The following ANKS1A variants were observed in gnomAD, a reference collection of about 807,000 sequenced individuals.
ANKS1A encodes the protein ankyrin repeat and sterile alpha motif domain containing 1A.
A neutral mutation model predicts 120.3 loss-of-function variants in ANKS1A; 55 were observed. The observed-to-expected ratio is 0.46, with a 90% CI of 0.37 to 0.57. The LOEUF (loss-of-function observed/expected upper bound fraction) is 0.57, where lower values mean the gene tolerates loss of function less well. Ranked by LOEUF, ANKS1A falls within the 20% of genes least tolerant of loss-of-function variation. The pLI, the probability that ANKS1A is intolerant of heterozygous loss-of-function variation, is 0.00. For missense variants in ANKS1A, 1,123 were observed against 1,480.3 expected (o/e 0.76, Z 3.96); for synonymous variants, 590 against 604.7 (o/e 0.98, Z 0.36).
At chr6:34,972,921 A>G (rs767886886) in intron 3 of ANKS1A, among the ~76,000 whole-genome samples, 6 of 152,242 alleles carry the variant, frequency 3.9e-5, no homozygotes, top group Non-Finnish European at 8.8e-5. Flanking sequence ...AAAGGACCAT[A>G]TTACATGCTT....
chr6:34,939,042 T>C (rs1369971803), intron 1 of ANKS1A, among the ~76,000 whole-genome samples: 1 of 152,210 alleles, frequency 6.6e-6, no homozygotes, highest in African/African-American at 2.4e-5. Flanking sequence ...TCATAAGTAG[T>C]TGCAAAATTG....
chr6:34,913,991 C>T (rs1188874330), intron 1 of ANKS1A, among the ~76,000 whole-genome samples: 1 of 152,046 alleles, frequency 6.6e-6, no homozygotes, highest in Non-Finnish European at 1.5e-5. Context: ...GATCTTGGCT[C>T]ACTGCAAGCT....
chr6:34,893,622 G>A (rs1005908008), intron 1 of ANKS1A, among the ~76,000 whole-genome samples: 2 of 152,194 alleles, frequency 1.3e-5, no homozygotes, highest in East Asian at 1.9e-4. Context: ...GACATTGTAC[G>A]TGGTCTGTCA....
intron 10 of ANKS1A, among the ~76,000 whole-genome samples, chr6:35,000,101 C>T (rs774685210): frequency 2.6e-5 from 4 of 152,108 alleles, no homozygotes; most frequent in Non-Finnish European, 4.4e-5. Flanking sequence ...AACCCTGTAA[C>T]ACTCTAATAC....
intron 1 of ANKS1A, among the ~76,000 whole-genome samples, chr6:34,949,435 G>GAT (rs1410934582): frequency 1.3e-5 from 2 of 152,212 alleles, no homozygotes; most frequent in African/African-American, 2.4e-5. Context: ...AGGAAAACCT[G>GAT]ATTAGTTAGC....
At chr6:34,900,149 A>G (rs1294589912) in intron 1 of ANKS1A, among the ~76,000 whole-genome samples, 1 of 152,310 alleles carries the variant, frequency 6.6e-6, no homozygotes, top group East Asian at 1.9e-4. Flanking sequence ...ACAGATGAAG[A>G]AGCAAAAGTT....
chr6:35,032,320 C>CT (rs1774947825), intron 11 of ANKS1A, among the ~76,000 whole-genome samples: 1 of 152,188 alleles, frequency 6.6e-6, no homozygotes, highest in African/African-American at 2.4e-5. Context: ...GGTCAAGTCT[C>CT]TGTCTGCCAT....
chr6:34,995,184 T>C (rs1772783554), intron 10 of ANKS1A, among the ~76,000 whole-genome samples: 1 of 152,238 alleles, frequency 6.6e-6, no homozygotes, highest in Admixed American at 6.5e-5. Flanking sequence ...AGACATTCCA[T>C]GGTTCAGGTA....
In ANKS1A at chr6:34,961,761, C is replaced by G. The variant is rs182219173; in HGVS notation, c.198-5478C>G. Among the ~76,000 whole-genome samples the G allele has an allele frequency of 7.9e-5, 12 of 152,250 alleles. No homozygotes were observed. In the East Asian group the frequency reaches 2.3e-3, roughly 29 times the overall value. ...GAACTAAATTGGTAGCTGATAGGCC[C>G]GCACTCTCAGCCGCTTTAACCAGCC... On this transcript the variant is annotated intron_variant, in intron 1 of 23. Coordinates refer to ENST00000360359, the MANE Select transcript of ANKS1A (RefSeq NM_015245.3).
intron 3 of ANKS1A, chr6:34,972,524 C>T (rs963704292): frequency 2.2e-6 from 2 of 906,288 alleles, no homozygotes; most frequent in African/African-American, 3.6e-5. Flanking sequence ...CTGTGTATTG[C>T]TTTGATATAT....
At chr6:34,910,291 C>T (rs567932690) in intron 1 of ANKS1A, among the ~76,000 whole-genome samples, 7 of 152,290 alleles carry the variant, frequency 4.6e-5, no homozygotes, top group Non-Finnish European at 8.8e-5. Flanking sequence ...AGGCGGGTCA[C>T]AGTGGCTCGT....
chr6:35,090,338 G>A lies in ANKS1A; in HGVS notation c.*1729G>A, dbSNP rs186215159. On this transcript the variant is annotated 3_prime_UTR_variant, in exon 24 of 24. Transcript: ENST00000360359. Reference sequence around the variant, plus strand: ...CCAGAGTAGACTGCGCTGCCACTGCGCACATGCTGGTGCCCGTCTTCCTCC... The same window carrying A: ...CCAGAGTAGACTGCGCTGCCACTGCACACATGCTGGTGCCCGTCTTCCTCC... 21,145 of 1,277,108 alleles carry A rather than the reference G, an allele frequency of 0.017. 198 individuals are homozygous for A. Among genetic ancestry groups the A allele is most frequent in the Non-Finnish European group, 0.019 (18,722 of 980,066 alleles). 79.1% of individuals were successfully genotyped at this position (1,277,108 alleles called of 1,614,324 possible).
intron 16 of ANKS1A, among the ~76,000 whole-genome samples, chr6:35,080,233 T>C (rs1374158255): frequency 8.1e-6 from 1 of 123,922 alleles, no homozygotes; most frequent in African/African-American, 2.5e-5. Flanking sequence ...CTGAGACAAA[T>C]CCAAAAGGCC....
chr6:34,957,863 C>T (rs1770448125), intron 1 of ANKS1A, among the ~76,000 whole-genome samples: 1 of 152,182 alleles, frequency 6.6e-6, no homozygotes, highest in Non-Finnish European at 1.5e-5. Flanking sequence ...CTCATGTAAT[C>T]AACTATATGA....
rs1415560164 is a variant in ANKS1A, at chr6:35,050,696, CA to C, written c.2011-3402del. Among the ~76,000 whole-genome samples the C allele has an allele frequency of 6.6e-6, 1 of 152,212 alleles. No homozygotes were observed. Among genetic ancestry groups the C allele is most frequent in the Non-Finnish European group, 1.5e-5 (1 of 68,034 alleles). Reference sequence around the variant, plus strand: ...ATGAGCTCCGGCTTCTCCCCATCTGCACAGCTCAGGCTGAGGGCTTGGGCAG... The same window carrying C: ...ATGAGCTCCGGCTTCTCCCCATCTGCCAGCTCAGGCTGAGGGCTTGGGCAG... On this transcript the variant is annotated intron_variant, in intron 11 of 23. Transcript: ENST00000360359. The surrounding 1 kb of genome is among the most constrained non-coding windows in gnomAD (Gnocchi z 4.3).
At chr6:35,023,078 G>T (rs1176216904) in intron 11 of ANKS1A, among the ~76,000 whole-genome samples, 2 of 152,186 alleles carry the variant, frequency 1.3e-5, no homozygotes, top group Non-Finnish European at 2.9e-5. Flanking sequence ...CCAAGGGGTT[G>T]TTGGATTGGT....
chr6:35,026,772 A>G (rs1774647631), intron 11 of ANKS1A, among the ~76,000 whole-genome samples: 2 of 152,174 alleles, frequency 1.3e-5, no homozygotes, highest in Non-Finnish European at 2.9e-5. Context: ...AATATACCTT[A>G]TAACTTGACT....
chr6:34,904,129 T>C (rs956386474), intron 1 of ANKS1A, among the ~76,000 whole-genome samples: 3 of 152,230 alleles, frequency 2.0e-5, no homozygotes, highest in Non-Finnish European at 2.9e-5. Context: ...AAGTCCTTTA[T>C]ATAAAATGGC....
chr6:34,976,224 C>A (rs1186971757), intron 3 of ANKS1A, among the ~76,000 whole-genome samples: 1 of 150,840 alleles, frequency 6.6e-6, no homozygotes, highest in African/African-American at 2.4e-5. Context: ...TGGCTTATGT[C>A]TAGGAATTGT....
Sources: gnomAD v4.1 joint callset for allele counts (sites outside exome capture counted in the v4.1 genomes callset) on GRCh38, gnomAD v4.1.1 for gene constraint, Gnocchi (gnomAD v3.1) non-coding constraint, MANE v1.5 for transcripts, NCBI Gene and HGNC (gene_info 2026-07-23, HGNC 2026-07-21) for gene names.